Variants in CHD7 observed in about 807,000 individuals in gnomAD.
CHD7 encodes the protein ATP-dependent chromatin remodeler CHD7.
A neutral mutation model predicts 307.3 loss-of-function variants in CHD7; 24 were observed. The ratio of observed to expected loss-of-function variants is 0.08; its 90% CI spans 0.06 to 0.11. The LOEUF (loss-of-function observed/expected upper bound fraction) is 0.11. Ranked by LOEUF, CHD7 falls within the 10% of genes least tolerant of loss-of-function variation. The pLI is 1.00. For missense variants in CHD7, 3,106 were observed against 3,727.1 expected (o/e 0.83, Z 4.34); for synonymous variants, 1,363 against 1,349.9 (o/e 1.01, Z -0.21).
In CHD7 at chr8:60,781,445, G is replaced by GA. The variant is rs111577577; in HGVS notation, c.2096+21dup. 103 of 1,506,860 alleles carry GA rather than the reference G, an allele frequency of 6.8e-5. 1 individual carries two copies. The Middle Eastern group carries it at 7.0e-4, about 10-fold the overall frequency. 93.3% of individuals were successfully genotyped at this position (1,506,860 alleles called of 1,614,324 possible). A position where few individuals can be genotyped will look rare whatever the true frequency, so the allele number is the denominator to read the frequency against. On this transcript the variant is annotated intron_variant, in intron 3 of 37. Transcript: ENST00000423902. ...AAAAAGTCAAGGTAGGCTGTGGGCA[G>GA]AAAAAACAACTGCAAAACATTGAGA...
At chr8:60,850,882 G>A in intron 26 of CHD7, 150 bp from the exon 27 acceptor site, 1 of 690,920 alleles carries the variant, frequency 1.4e-6, no homozygotes, top group Non-Finnish European at 2.4e-6. Context: ...TGCCATGGCT[G>A]CATGTTTTAA....
intron 6 of CHD7, among the ~76,000 whole-genome samples, chr8:60,805,082 C>T (rs779920101): frequency 3.9e-5 from 6 of 152,092 alleles, no homozygotes; most frequent in Non-Finnish European, 7.4e-5. Flanking sequence ...TTGCCTATGC[C>T]TGTTGTAGAA....
chr8:60,828,877 A>C (rs1180250451), intron 14 of CHD7, 71 bp downstream of exon 14: 1 of 1,399,790 alleles, frequency 7.1e-7, no homozygotes, highest in African/African-American at 1.4e-5. Flanking sequence ...CAAAGTATTA[A>C]GTTATTTTAA....
At chr8:60,862,485 T>C in intron 36 of CHD7, 63 bp from the exon 37 acceptor site, 1 of 1,467,760 alleles carries the variant, frequency 6.8e-7, no homozygotes, top group South Asian at 1.2e-5. Context: ...GGGGAGGGAG[T>C]AGATTAACAG....
chr8:60,804,251 A>G (rs1291929326), intron 6 of CHD7, among the ~76,000 whole-genome samples: 1 of 152,216 alleles, frequency 6.6e-6, no homozygotes, highest in Non-Finnish European at 1.5e-5. Flanking sequence ...CTTGGATTGT[A>G]TAAAGCCTAA....
intron 1 of CHD7, 129 bp from the exon 2 acceptor site, chr8:60,741,130 G>A (rs1408530834): frequency 1.1e-5 from 4 of 378,630 alleles, no homozygotes; most frequent in Non-Finnish European, 1.9e-5. Flanking sequence ...ATACAGCTCA[G>A]CGAGGGAGCT....
At chr8:60,823,394 TATAGATAGATAGATAGATAG>T (rs34150494) in intron 12 of CHD7, among the ~76,000 whole-genome samples, 66 of 145,550 alleles carry the variant, frequency 4.5e-4, no homozygotes, top group Admixed American at 2.7e-3. Flanking sequence ...TTTTGCTATA[TATAGATAGATAGATAGATAG>T]ATAGATAGAT....
In CHD7 at chr8:60,867,140, C is replaced by G. The variant is rs1017279733; in HGVS notation, c.*1207C>G. 6.6e-6 allele frequency: 1 copy of G among 152,146 alleles called. No homozygotes were observed. The highest frequency in any genetic ancestry group is 1.5e-5 in the Non-Finnish European group (1 of 68,036). The allele number at this position is 152,146 out of a possible 1,614,324, so 9.4% of individuals were successfully genotyped here. On this transcript the variant is annotated 3_prime_UTR_variant, in exon 38 of 38. Transcript: ENST00000423902. ...TCAACAGAAATGCATACAAAAAGCT[C>G]CTATTACTCCCTCAAAAGGGCATCT...
intron 2 of CHD7, among the ~76,000 whole-genome samples, chr8:60,760,324 C>T (rs995848562): frequency 5.3e-5 from 8 of 150,906 alleles, no homozygotes; most frequent in Admixed American, 1.3e-4. Context: ...CTTCCTTACA[C>T]CTTATACAAA....
In CHD7 at chr8:60,865,478, G is replaced by A; in HGVS notation, c.8539G>A (p.Gly2847Arg). 6 of 1,614,038 alleles carry A rather than the reference G, an allele frequency of 3.7e-6. No homozygotes were observed. Among genetic ancestry groups the A allele is most frequent in the Non-Finnish European group, 4.2e-6 (5 of 1,179,894 alleles). Residue 2847 changes from glycine (G) to arginine (R), a missense_variant, in exon 38 of 38, where the codon GGA becomes AGA. Physicochemically the swap from Gly to Arg is moderately radical, Grantham distance 125 (BLOSUM62 -2). Coordinates refer to ENST00000423902, the MANE Select transcript of CHD7 (RefSeq NM_017780.4). The surrounding 1 kb of genome is among the most constrained non-coding windows in gnomAD (Gnocchi z 4.3). ...CAGCACTTCAAAAGGAGAGGAGAAA[G>A]GAAATGAGAATGAAGACGAGAACAA... ...EDSTSKGEEK[G>R]NENEDENKDS...
Position 60,795,017 on chromosome 8 carries a change from T to A in CHD7, c.2128T>A (p.Leu710Met). 6.2e-7 allele frequency: 1 copy of A among 1,613,732 alleles called. No homozygotes were observed. Among genetic ancestry groups the A allele is most frequent in the South Asian group, 1.1e-5 (1 of 91,048 alleles). ...NKKPDSEASA[L>M]KKKVNKGKTE... ...GAAACCTGACTCAGAAGCAAGTGCT[T>A]TGAAGAAAAAGGTCAACAAGGGAAA... Residue 710 changes from leucine to methionine, a missense_variant, in exon 4 of 38, where the codon TTG becomes ATG. By Grantham distance (15) the Leu-to-Met change is conservative (BLOSUM62 2). Coordinates refer to ENST00000423902, the MANE Select transcript of CHD7 (RefSeq NM_017780.4).
intron 1 of CHD7, among the ~76,000 whole-genome samples, chr8:60,703,611 G>A (rs772120886): frequency 6.6e-6 from 1 of 152,140 alleles, no homozygotes; most frequent in Non-Finnish European, 1.5e-5. Context: ...TAAAATTAAT[G>A]TTACATTTCT....
intron 1 of CHD7, among the ~76,000 whole-genome samples, chr8:60,680,176 C>T (rs902534353): frequency 5.9e-5 from 9 of 151,922 alleles, no homozygotes; most frequent in Non-Finnish European, 1.2e-4. Flanking sequence ...CCCGGGTGCG[C>T]TCTGCCCTCG....
At chr8:60,794,868 C>A (rs1811942615) in intron 3 of CHD7, 118 bp from the exon 4 acceptor site, 5 of 894,588 alleles carry the variant, frequency 5.6e-6, no homozygotes, top group East Asian at 5.2e-5. Flanking sequence ...TGTAAATAGC[C>A]AATATGTATG....
intron 2 of CHD7, among the ~76,000 whole-genome samples, chr8:60,749,200 G>A (rs961533920): frequency 6.6e-6 from 1 of 150,990 alleles, no homozygotes; most frequent in Admixed American, 6.6e-5. Flanking sequence ...GTGAAACCCT[G>A]TCTCTACTAA....
chr8:60,801,536 T>G lies in CHD7; in HGVS notation c.2385T>G (p.Val795=). ...NTSQSEQQES[V]DAEGPVVEKI... The stretch of plus-strand genomic sequence containing the variant: ...CATGCCTTTTTTTTTAGGAATCTGT[T>G]GATGCAGAAGGCCCAGTGGTAGAAA... Residue 795 remains valine, a synonymous_variant, in exon 6 of 38, where the codon GTT becomes GTG. Transcript: ENST00000423902. The G allele has an allele frequency of 6.4e-7, 1 of 1,571,890 alleles. No homozygotes were observed. Among genetic ancestry groups the G allele is most frequent in the Non-Finnish European group, 8.6e-7 (1 of 1,157,046 alleles).
chr8:60,820,503 A>G (rs1803976208), intron 9 of CHD7, among the ~76,000 whole-genome samples: 1 of 152,242 alleles, frequency 6.6e-6, no homozygotes, highest in South Asian at 2.1e-4. Flanking sequence ...GAATTCATTT[A>G]ATGTGGTACA....
At chr8:60,757,686 G>A (rs964225975) in intron 2 of CHD7, among the ~76,000 whole-genome samples, 1 of 152,180 alleles carries the variant, frequency 6.6e-6, no homozygotes, top group African/African-American at 2.4e-5. Flanking sequence ...TGGAAAGGGG[G>A]ACTTTTAGAA....
At chr8:60,824,055 G>A (rs887905926) in intron 13 of CHD7, 39 bp downstream of exon 13, 1 of 1,568,666 alleles carries the variant, frequency 6.4e-7, no homozygotes, top group African/African-American at 1.4e-5. Context: ...AACCTGAATA[G>A]AATTGTTGCT....
Sources: gnomAD v4.1 joint callset for allele counts (sites outside exome capture counted in the v4.1 genomes callset) on GRCh38, gnomAD v4.1.1 for gene constraint, Gnocchi (gnomAD v3.1) non-coding constraint, MANE v1.5 for transcripts, NCBI Gene and HGNC (gene_info 2026-07-23, HGNC 2026-07-21) for gene names.